GASK1A: variants seen among roughly 807,000 people sequenced by gnomAD.
The protein encoded by GASK1A is golgi associated kinase 1A, also known as Golgi-associated kinase 1A.
In GASK1A, 40 loss-of-function variants were observed where a neutral mutation model predicts 41.2. That is an observed-to-expected ratio of 0.97 (90% CI 0.75 to 1.27). The LOEUF (loss-of-function observed/expected upper bound fraction) is 1.27, where lower values mean the gene tolerates loss of function less well. Ranked by LOEUF, GASK1A falls within the 50% of genes most tolerant of loss-of-function variation. The probability of loss-of-function intolerance (pLI) is 0.00; values close to 1 mark genes in which losing one functional copy is unlikely to be tolerated. For synonymous variants in GASK1A, 316 were observed against 307.1 expected (o/e 1.03, Z -0.30); for missense variants, 678 against 745.1 (o/e 0.91, Z 1.05).
At chr3:43,033,673 C>A (rs1198127949) in intron 2 of GASK1A, 120 bp downstream of exon 2, 3 of 859,326 alleles carry the variant, frequency 3.5e-6, no homozygotes, top group East Asian at 2.8e-5. Flanking sequence ...GGTTTTTTGA[C>A]CACCAAGCAC....
intron 1 of GASK1A, among the ~76,000 whole-genome samples, chr3:42,988,225 C>G (rs1038665020): frequency 6.6e-6 from 1 of 152,214 alleles, no homozygotes; most frequent in South Asian, 2.1e-4. Flanking sequence ...AACTTCTCCT[C>G]CTGCCATGAG....
At chr3:42,998,882 G>A (rs756976868) in intron 1 of GASK1A, among the ~76,000 whole-genome samples, 18 of 152,142 alleles carry the variant, frequency 1.2e-4, no homozygotes, top group Non-Finnish European at 1.9e-4. Context: ...CCTCTAATCA[G>A]TGTCAGCTTC....
Position 42,985,577 on chromosome 3 carries a change from GT to G in GASK1A, c.3+5933del, listed in dbSNP as rs1249893999. Among the ~76,000 whole-genome samples the G allele has an allele frequency of 1.1e-4, 17 of 148,404 alleles. 1 individual carries two copies. The South Asian group carries it at 2.0e-3, about 17-fold the overall frequency. ...TGTGTGTGTGTGTGTGTGTGTGTGT[GT>G]GTGTGTGTGGGCGGAGGCAGGGGAG... On this transcript the variant is annotated intron_variant, in intron 1 of 4. Transcript: ENST00000430121.
At chr3:43,046,024 T>C (rs2089660776) in intron 2 of GASK1A, among the ~76,000 whole-genome samples, 1 of 152,202 alleles carries the variant, frequency 6.6e-6, no homozygotes, top group South Asian at 2.1e-4. Context: ...TGGGCAGCTG[T>C]TTATAGCAGT....
chr3:43,014,819 A>G (rs2089481616), intron 1 of GASK1A, among the ~76,000 whole-genome samples: 1 of 152,126 alleles, frequency 6.6e-6, no homozygotes, highest in Non-Finnish European at 1.5e-5. Flanking sequence ...GTGTGAAGCT[A>G]CAGGAAAGGC....
At chr3:43,025,080 A>G (rs62247065) in intron 1 of GASK1A, among the ~76,000 whole-genome samples, 84,895 of 152,036 alleles carry the variant, frequency 0.56, 24,129 homozygotes, top group South Asian at 0.66. Flanking sequence ...GAAGTTTAGC[A>G]TGGCTAGAGC....
At chr3:43,008,212 C>G (rs2089446067) in intron 1 of GASK1A, among the ~76,000 whole-genome samples, 1 of 152,190 alleles carries the variant, frequency 6.6e-6, no homozygotes, top group Non-Finnish European at 1.5e-5. Flanking sequence ...TACCTCCCTT[C>G]CAGGGAGGTT....
intron 2 of GASK1A, among the ~76,000 whole-genome samples, chr3:43,041,837 G>T (rs2089639654): frequency 1.3e-5 from 2 of 152,178 alleles, no homozygotes; most frequent in Non-Finnish European, 2.9e-5. Flanking sequence ...GATTTGCGAT[G>T]AACTATTCAT....
rs1329075633 is a variant in GASK1A at position 43,032,835 on chromosome 3, T to G, written c.572T>G (p.Leu191Arg). ...ALPAWRATSG[L>R]TLWPHTAEGR... ...CCGGCTTGGAGAGCTACTTCTGGGC[T>G]GACACTCTGGCCCCATACAGCAGAA... The change falls in exon 2 of 5, where the codon CTG becomes CGG. Residue 191 changes from leucine (L) to arginine (R), a missense_variant. Leu to Arg is a moderately radical substitution (Grantham distance 102). Coordinates refer to ENST00000430121, the MANE Select transcript of GASK1A (RefSeq NM_001129908.3). 3 of 1,548,678 alleles carry G rather than the reference T, an allele frequency of 1.9e-6. No individual in the cohort carries two copies. The highest frequency in any genetic ancestry group is 1.7e-6 in the Non-Finnish European group (2 of 1,146,956).
At chr3:43,013,210 G>A (rs963722520) in intron 1 of GASK1A, among the ~76,000 whole-genome samples, 1 of 151,936 alleles carries the variant, frequency 6.6e-6, no homozygotes, top group African/African-American at 2.4e-5. Flanking sequence ...GGGGCAGTGA[G>A]AAGTCACAGG....
chr3:43,021,038 A>G (rs1052393005), intron 1 of GASK1A, among the ~76,000 whole-genome samples: 2 of 152,100 alleles, frequency 1.3e-5, no homozygotes, highest in Non-Finnish European at 2.9e-5. Context: ...TGAGAGCTGC[A>G]CTTCCCGGTT....
chr3:43,029,219 G>C (rs1310996811), intron 1 of GASK1A, among the ~76,000 whole-genome samples: 1 of 152,080 alleles, frequency 6.6e-6, no homozygotes, highest in Non-Finnish European at 1.5e-5. Flanking sequence ...GCTCAGAGCT[G>C]CAAGGGAGGC....
At chr3:43,040,866 A>C (rs1440501694) in intron 2 of GASK1A, among the ~76,000 whole-genome samples, 1 of 77,470 alleles carries the variant, frequency 1.3e-5, no homozygotes, top group Non-Finnish European at 3.6e-5. Context: ...ATATCTCCCA[A>C]TGCTATCCCT....
intron 2 of GASK1A, chr3:43,037,368 C>G: frequency 3.2e-6 from 3 of 943,982 alleles, no homozygotes; most frequent in Non-Finnish European, 5.2e-6. Context: ...CAATACAAAT[C>G]CTCATTGAAA....
At chr3:43,004,466 G>A (rs1481974610) in intron 1 of GASK1A, among the ~76,000 whole-genome samples, 1 of 152,056 alleles carries the variant, frequency 6.6e-6, no homozygotes, top group Non-Finnish European at 1.5e-5. Context: ...CGTCACACAA[G>A]AGCCTACACC....
chr3:42,983,327 T>A (rs1006721497), intron 1 of GASK1A, among the ~76,000 whole-genome samples: 13 of 151,908 alleles, frequency 8.6e-5, no homozygotes, highest in African/African-American at 2.9e-4. Context: ...CAAAAATAGG[T>A]TTGCTTTTTG....
chr3:43,018,509 G>C (rs1318552582), intron 1 of GASK1A, among the ~76,000 whole-genome samples: 1 of 152,110 alleles, frequency 6.6e-6, no homozygotes, highest in East Asian at 1.9e-4. Context: ...TCAAGCCTTA[G>C]ACTAATTTAA....
chr3:43,047,612 G>A (rs541007), intron 2 of GASK1A, among the ~76,000 whole-genome samples: 56,577 of 151,982 alleles, frequency 0.37, 11,028 homozygotes, highest in East Asian at 0.57. Context: ...TCTATTCCAC[G>A]GTTGTTGAGG....
chr3:43,017,366 TGAAGTCATAGGAAGGGGCAGTGG>T (rs1484744258), intron 1 of GASK1A, among the ~76,000 whole-genome samples: 2 of 139,714 alleles, frequency 1.4e-5, no homozygotes, highest in African/African-American at 5.5e-5. Flanking sequence ...AGGGGCAGTG[TGAAGTCATAGGAAGGGGCAGTGG>T]GAAGTCATGG....
Sources: gnomAD v4.1 joint callset for allele counts (sites outside exome capture counted in the v4.1 genomes callset) on GRCh38, gnomAD v4.1.1 for gene constraint, MANE v1.5 for transcripts, NCBI Gene and HGNC (gene_info 2026-07-23, HGNC 2026-07-21) for gene names.